VPS13B: variants seen among roughly 807,000 people sequenced by gnomAD.
The protein encoded by VPS13B is vacuolar protein sorting 13 homolog B.
Under a neutral mutation model 426.4 loss-of-function variants are expected in VPS13B, and 285 were observed. The observed-to-expected ratio is 0.67, with a 90% confidence interval of 0.61 to 0.74. The LOEUF (loss-of-function observed/expected upper bound fraction) is 0.74. Among genes scored for constraint, VPS13B ranks in the 30% least tolerant of loss-of-function variants. The pLI is 0.00. For synonymous variants in VPS13B, 1,676 were observed against 1,676.4 expected (o/e 1.00, Z 0.01); for missense variants, 4,537 against 4,782.6 (o/e 0.95, Z 1.51).
At chr8:99,429,089 A>C (rs1336799319) in intron 21 of VPS13B, among the ~76,000 whole-genome samples, 2 of 152,108 alleles carry the variant, frequency 1.3e-5, no homozygotes, top group African/African-American at 4.8e-5. Context: ...ATGAGAACAC[A>C]TGGACACAGG....
intron 21 of VPS13B, among the ~76,000 whole-genome samples, chr8:99,414,809 C>T (rs1815901821): frequency 6.6e-6 from 1 of 152,180 alleles, no homozygotes; most frequent in African/African-American, 2.4e-5. Flanking sequence ...ATGGGTTTCC[C>T]TTTGTGGGTA....
intron 19 of VPS13B, among the ~76,000 whole-genome samples, chr8:99,374,330 CTG>C (rs1813356059): frequency 6.6e-6 from 1 of 151,732 alleles, no homozygotes; most frequent in African/African-American, 2.4e-5. Flanking sequence ...TTTTTCACCT[CTG>C]ATATTATATT....
chr8:99,268,386 C>T (rs1324529445), intron 17 of VPS13B, among the ~76,000 whole-genome samples: 1 of 152,190 alleles, frequency 6.6e-6, no homozygotes, highest in Non-Finnish European at 1.5e-5. Flanking sequence ...CAATGCCAGC[C>T]TGTGAAAGCA....
intron 30 of VPS13B, among the ~76,000 whole-genome samples, chr8:99,528,244 G>A (rs977712779): frequency 6.6e-6 from 1 of 151,828 alleles, no homozygotes; most frequent in Non-Finnish European, 1.5e-5. Flanking sequence ...TCTAAAAATA[G>A]CTTTTATTAT....
intron 25 of VPS13B, among the ~76,000 whole-genome samples, chr8:99,484,004 A>G (rs1023859788): frequency 2.0e-5 from 3 of 152,154 alleles, no homozygotes; most frequent in African/African-American, 7.2e-5. Context: ...GGAAGGATTA[A>G]TAAATTCATT....
At position 99,093,117 on chromosome 8, in the gene VPS13B, T is replaced by C. The variant is rs568662111; in HGVS notation, c.292-3195T>C. Among the ~76,000 whole-genome samples the C allele has an allele frequency of 9.9e-5, 15 of 152,168 alleles. No homozygotes were observed. The East Asian group carries it at 2.9e-3, about 29-fold the overall frequency. The stretch of plus-strand genomic sequence containing the variant: ...TCTATACAAATAATATTATAAATTT[T>C]ATGATGTAGAGAGATAATTAAATCA... On this transcript the variant is annotated intron_variant, in intron 3 of 61. Coordinates refer to ENST00000357162, the MANE Select transcript of VPS13B (RefSeq NM_152564.5).
intron 36 of VPS13B, among the ~76,000 whole-genome samples, chr8:99,704,365 C>G (rs1832410937): frequency 1.3e-5 from 2 of 152,070 alleles, no homozygotes; most frequent in Non-Finnish European, 2.9e-5. Context: ...AAGTGGAGCT[C>G]CAACTTTTCA....
intron 61 of VPS13B, 122 bp downstream of exon 61, chr8:99,871,819 A>G: frequency 6.5e-7 from 1 of 1,549,890 alleles, no homozygotes; most frequent in Non-Finnish European, 8.8e-7. Flanking sequence ...GAGACCAAGG[A>G]GAGCTGCTAC....
intron 28 of VPS13B, among the ~76,000 whole-genome samples, chr8:99,510,732 A>C (rs1316136103): frequency 1.3e-5 from 2 of 152,172 alleles, no homozygotes; most frequent in Non-Finnish European, 2.9e-5. Flanking sequence ...GGCTGGTCTC[A>C]AACTCCTGGC....
intron 23 of VPS13B, among the ~76,000 whole-genome samples, chr8:99,447,221 A>G (rs944889471): frequency 6.6e-6 from 1 of 152,164 alleles, no homozygotes; most frequent in Non-Finnish European, 1.5e-5. Context: ...TGGTGGCACT[A>G]TGAGTTCAGA....
chr8:99,549,621 T>C (rs1377586320), intron 30 of VPS13B, among the ~76,000 whole-genome samples: 1 of 152,140 alleles, frequency 6.6e-6, no homozygotes, highest in Non-Finnish European at 1.5e-5. Flanking sequence ...AAATGCCAGT[T>C]TGCAAGGCAA....
intron 61 of VPS13B, among the ~76,000 whole-genome samples, chr8:99,874,840 G>A (rs1012101902): frequency 2.2e-4 from 34 of 152,112 alleles, no homozygotes; most frequent in African/African-American, 8.2e-4. Flanking sequence ...TTCCCCTTCC[G>A]CTGCCCAGCT....
intron 39 of VPS13B, among the ~76,000 whole-genome samples, chr8:99,733,692 T>A (rs1374290766): frequency 2.6e-5 from 4 of 152,102 alleles, no homozygotes; most frequent in East Asian, 1.9e-4. Flanking sequence ...GGAAAAAAAA[T>A]TTATTTTTGT....
At chr8:99,364,021 G>C (rs1364875141) in intron 19 of VPS13B, among the ~76,000 whole-genome samples, 1 of 152,080 alleles carries the variant, frequency 6.6e-6, no homozygotes, top group African/African-American at 2.4e-5. Flanking sequence ...GTAGTGAAGT[G>C]GGTACCCTTG....
At position 99,013,907 on chromosome 8, in the gene VPS13B, T is replaced by TC; in HGVS notation, c.120dup (p.Glu41ArgfsTer24). On this transcript the variant is annotated frameshift_variant, in exon 2 of 62. Coordinates refer to ENST00000357162, the MANE Select transcript of VPS13B (RefSeq NM_152564.5). LOFTEE classifies it high-confidence loss of function. ...GGTGGAGACGTGGTACTCAGCAAGCTCGAGTTAAAGTTGGATGTGCTGGAA... is the reference window on the plus strand; with the variant it reads ...GGTGGAGACGTGGTACTCAGCAAGCTCCGAGTTAAAGTTGGATGTGCTGGAA... 1 of 1,614,126 alleles carries TC rather than the reference T, an allele frequency of 6.2e-7. No homozygotes were observed. Among genetic ancestry groups the TC allele is most frequent in the Non-Finnish European group, 8.5e-7 (1 of 1,180,022 alleles).
intron 19 of VPS13B, among the ~76,000 whole-genome samples, chr8:99,333,208 G>A (rs1483087076): frequency 6.6e-6 from 1 of 151,622 alleles, no homozygotes. Flanking sequence ...TATCTGAAGG[G>A]GGTCAGGGAC....
At chr8:99,569,915 A>G (rs1234547466) in intron 31 of VPS13B, among the ~76,000 whole-genome samples, 2 of 152,186 alleles carry the variant, frequency 1.3e-5, no homozygotes, top group Non-Finnish European at 2.9e-5. Flanking sequence ...TCGAGGGTTT[A>G]ATAAATTTCT....
chr8:99,569,804 A>G (rs11987013), intron 31 of VPS13B, among the ~76,000 whole-genome samples: 9,300 of 152,094 alleles, frequency 0.061, 390 homozygotes, highest in African/African-American at 0.11. Context: ...TTTACAATCT[A>G]TACCTCCCAA....
At chr8:99,344,984 T>C (rs1811459479) in intron 19 of VPS13B, among the ~76,000 whole-genome samples, 2 of 152,218 alleles carry the variant, frequency 1.3e-5, no homozygotes, top group South Asian at 4.1e-4. Flanking sequence ...TTTCAAGTTT[T>C]CCAAGTTTTC....
Sources: allele counts gnomAD v4.1 joint callset (sites outside exome capture counted in the v4.1 genomes callset), GRCh38; gene constraint gnomAD v4.1.1; transcripts MANE v1.5; gene names NCBI Gene and HGNC (gene_info 2026-07-23, HGNC 2026-07-21).